ATXN10: variants seen among roughly 807,000 people sequenced by gnomAD.
The protein encoded by ATXN10 is ataxin 10.
In ATXN10, 28 loss-of-function variants were observed where a neutral mutation model predicts 52.9. That is an observed-to-expected ratio of 0.53 (90% CI 0.39 to 0.73). ATXN10 has a LOEUF of 0.73. Ranked by LOEUF, ATXN10 falls within the 30% of genes least tolerant of loss-of-function variation. The probability of loss-of-function intolerance (pLI) is 0.00; values close to 1 mark genes in which losing one functional copy is unlikely to be tolerated. For synonymous variants in ATXN10, 226 were observed against 221.5 expected (o/e 1.02, Z -0.18); for missense variants, 565 against 577.0 (o/e 0.98, Z 0.21).
At chr22:45,720,329 T>C (rs1214173629) in intron 6 of ATXN10, among the ~76,000 whole-genome samples, 1 of 152,072 alleles carries the variant, frequency 6.6e-6, no homozygotes, top group Non-Finnish European at 1.5e-5. Context: ...TTTTTTTTTT[T>C]TGGAAAAGGT....
rs1922457309 is a variant in ATXN10 at position 45,671,973 on chromosome 22, C to CCATCCTACTCCTCCCTCCTCGT, written c.-84_-63dup. 6 of 1,416,824 alleles carry CCATCCTACTCCTCCCTCCTCGT rather than the reference C, an allele frequency of 4.2e-6. No homozygotes were observed. Among genetic ancestry groups the CCATCCTACTCCTCCCTCCTCGT allele is most frequent in the Non-Finnish European group, 4.8e-6 (5 of 1,048,592 alleles). The allele number at this position is 1,416,824 out of a possible 1,614,324, so 87.8% of individuals were successfully genotyped here. On this transcript the variant is annotated 5_prime_UTR_variant, in exon 1 of 12. Transcript: ENST00000252934. ...GGCGAGGCCTCCCCCTTCCTCCTCG[C>CCATCCTACTCCTCCCTCCTCGT]CATCCTACTCCTCCCTCCTCGTCAT...
chr22:45,812,501 T>C (rs1317230509), intron 10 of ATXN10, among the ~76,000 whole-genome samples: 1 of 152,160 alleles, frequency 6.6e-6, no homozygotes, highest in Non-Finnish European at 1.5e-5. Context: ...GGTTCTAAGC[T>C]CAAGAGAAAT....
At chr22:45,707,598 G>A (rs913116337) in intron 5 of ATXN10, among the ~76,000 whole-genome samples, 3 of 150,298 alleles carry the variant, frequency 2.0e-5, no homozygotes, top group Admixed American at 6.7e-5. Context: ...GGAATAAAGG[G>A]CAAAAGGTCA....
Position 45,842,849 on chromosome 22 carries a change from A to G in ATXN10, c.1238-142A>G, listed in dbSNP as rs575563659. ...GTGTTTGCACTTGAGATGCATATTC[A>G]GAGAATGCATCCTCAAGAAAACTTG... On this transcript the variant is annotated intron_variant, in intron 10 of 11. Coordinates refer to ENST00000252934, the MANE Select transcript of ATXN10 (RefSeq NM_013236.4). This position sits in a 1 kb window ranked among gnomAD's most constrained non-coding sequence, Gnocchi z 4.8. 3 of 891,928 alleles carry G rather than the reference A, an allele frequency of 3.4e-6. No individual in the cohort carries two copies. In the East Asian group the frequency reaches 7.6e-5, roughly 23 times the overall value. The allele number at this position is 891,928 out of a possible 1,614,324, so 55.3% of individuals were successfully genotyped here.
rs942249360 is a variant in ATXN10 at position 45,754,377 on chromosome 22, A to G, written c.1173+13839A>G. ...CTTCCCTCATACATTTATTGTGAGG[A>G]TTAAATTACTATTGATGACAGCAGT... On this transcript the variant is annotated intron_variant, in intron 9 of 11. Transcript: ENST00000252934. The surrounding 1 kb of genome is among the most constrained non-coding windows in gnomAD (Gnocchi z 5.4). 4.6e-5 allele frequency among the ~76,000 whole-genome samples: 7 copies of G among 152,184 alleles called. No individual in the cohort carries two copies. The highest frequency in any genetic ancestry group is 1.0e-4 in the Non-Finnish European group (7 of 68,024).
In ATXN10 at chr22:45,681,734, C is replaced by A. The variant is rs1922931481; in HGVS notation, c.117-7978C>A. 6.6e-6 allele frequency among the ~76,000 whole-genome samples: 1 copy of A among 152,148 alleles called. No homozygotes were observed. Among genetic ancestry groups the A allele is most frequent in the African/African-American group, 2.4e-5 (1 of 41,418 alleles). On this transcript the variant is annotated intron_variant, in intron 1 of 11. Transcript: ENST00000252934. The surrounding 1 kb of genome is among the most constrained non-coding windows in gnomAD (Gnocchi z 4.2). ...ACTTGCTGATCACTAACTAACGTGG[C>A]CCTTAATGCTACCTGTCAGTCCCGC...
intron 9 of ATXN10, among the ~76,000 whole-genome samples, chr22:45,767,101 C>T (rs915619394): frequency 1.3e-5 from 2 of 152,146 alleles, no homozygotes; most frequent in African/African-American, 4.8e-5. Context: ...CTTTTTGACT[C>T]AGCAGTCTTG....
rs899494343 is a variant in ATXN10, at chr22:45,701,470, C to T, written c.488+1092C>T. Among the ~76,000 whole-genome samples the T allele has an allele frequency of 1.3e-5, 2 of 152,124 alleles. No individual in the cohort carries two copies. Among genetic ancestry groups the T allele is most frequent in the South Asian group, 4.1e-4 (2 of 4,826 alleles). On this transcript the variant is annotated intron_variant, in intron 4 of 11. Coordinates refer to ENST00000252934, the MANE Select transcript of ATXN10 (RefSeq NM_013236.4). This position sits in a 1 kb window ranked among gnomAD's most constrained non-coding sequence, Gnocchi z 4.2. Reference sequence around the variant, plus strand: ...GGGATAAACTCTAATTCACCTGTAGCTCATGGAATTTCTCAAATTCCTGCA... The same window carrying T: ...GGGATAAACTCTAATTCACCTGTAGTTCATGGAATTTCTCAAATTCCTGCA...
At chr22:45,692,854 C>T (rs1401800603) in intron 2 of ATXN10, 142 bp from the exon 3 acceptor site, 5 of 721,610 alleles carry the variant, frequency 6.9e-6, no homozygotes, top group South Asian at 4.8e-5. Flanking sequence ...TATATTTTTC[C>T]TGTAAAGAGC....
rs553712259 is a variant in ATXN10 at position 45,718,529 on chromosome 22, C to T, written c.728+36C>T. On this transcript the variant is annotated intron_variant, in intron 6 of 11. Transcript: ENST00000252934. The surrounding 1 kb of genome is among the most constrained non-coding windows in gnomAD (Gnocchi z 4.4). ...AACCAGCGTGGTCTGGAGTATTTAGCATTCCATATAGGGTATTCGATGCAC... is the reference window on the plus strand; with the variant it reads ...AACCAGCGTGGTCTGGAGTATTTAGTATTCCATATAGGGTATTCGATGCAC... 14 of 1,545,016 alleles carry T rather than the reference C, an allele frequency of 9.1e-6. No homozygotes were observed. Among genetic ancestry groups the T allele is most frequent in the Non-Finnish European group, 1.3e-5 (14 of 1,117,358 alleles).
At chr22:45,771,823 G>A (rs135986) in intron 9 of ATXN10, among the ~76,000 whole-genome samples, 132,601 of 152,160 alleles carry the variant, frequency 0.87, 58,114 homozygotes, top group African/African-American at 0.96. Context: ...GGCCTCTGCT[G>A]TGTTGTCCAG....
In ATXN10 at chr22:45,691,234, G is replaced by T. The variant is rs1341895330; in HGVS notation, c.308+1331G>T. ...TCTTTTGTCCTTTTCCAGTCACAAG[G>T]TGCTCTAGTGTGATGGGGAAGGAAA... is the stretch of plus-strand genomic sequence containing the variant. On this transcript the variant is annotated intron_variant, in intron 2 of 11. Coordinates refer to ENST00000252934, the MANE Select transcript of ATXN10 (RefSeq NM_013236.4). Among the ~76,000 whole-genome samples the T allele has an allele frequency of 2.0e-5, 3 of 152,168 alleles. No homozygotes were observed. The South Asian group carries it at 6.2e-4, about 32-fold the overall frequency.
intron 9 of ATXN10, among the ~76,000 whole-genome samples, chr22:45,800,279 G>A (rs1010082737): frequency 5.9e-5 from 9 of 152,098 alleles, no homozygotes; most frequent in African/African-American, 2.2e-4. Flanking sequence ...CTTACAACTC[G>A]ATGAGAAGAA....
chr22:45,803,470 T>C (rs907671374), intron 9 of ATXN10, among the ~76,000 whole-genome samples: 1 of 152,174 alleles, frequency 6.6e-6, no homozygotes, highest in African/African-American at 2.4e-5. Flanking sequence ...CTATATGTTC[T>C]TCTAGCCAAA....
intron 6 of ATXN10, among the ~76,000 whole-genome samples, chr22:45,719,334 G>A (rs930592307): frequency 3.9e-5 from 6 of 152,004 alleles, no homozygotes; most frequent in African/African-American, 1.4e-4. Flanking sequence ...CAGTAGTTAA[G>A]CTTTGTGTAC....
rs1008690202 is a variant in ATXN10 at position 45,718,223 on chromosome 22, AT to A, written c.648-182del. On this transcript the variant is annotated intron_variant, in intron 5 of 11. Coordinates refer to ENST00000252934, the MANE Select transcript of ATXN10 (RefSeq NM_013236.4). The surrounding 1 kb of genome is among the most constrained non-coding windows in gnomAD (Gnocchi z 4.4). ...AAAATTGGAGAAAAATATTTTTAGG[AT>A]TTTTTTTCCTTTTAGCTGCTGATAG... Among the ~76,000 whole-genome samples the A allele has an allele frequency of 1.3e-5, 2 of 151,992 alleles. No homozygotes were observed. Among genetic ancestry groups the A allele is most frequent in the African/African-American group, 2.4e-5 (1 of 41,374 alleles).
At chr22:45,796,030 C>T (rs565327802) in intron 9 of ATXN10, among the ~76,000 whole-genome samples, 121 of 152,260 alleles carry the variant, frequency 7.9e-4, no homozygotes, top group Non-Finnish European at 1.4e-3. Flanking sequence ...CCTGCAGGGC[C>T]GGGCAGAACA....
In ATXN10 at chr22:45,826,013, GA is replaced by G. The variant is rs1928803483; in HGVS notation, c.1238-16977del. Among the ~76,000 whole-genome samples the G allele has an allele frequency of 6.6e-6, 1 of 152,156 alleles. No homozygotes were observed. Among genetic ancestry groups the G allele is most frequent in the Admixed American group, 6.5e-5 (1 of 15,276 alleles). On this transcript the variant is annotated intron_variant, in intron 10 of 11. Transcript: ENST00000252934. The surrounding 1 kb of genome is among the most constrained non-coding windows in gnomAD (Gnocchi z 5.0). ...GGAGGTGGAGGTTGCAATGAGCTGAGATTGTGCCACTGTGCTGTAGCCTGGG... is the reference window on the plus strand; with the variant it reads ...GGAGGTGGAGGTTGCAATGAGCTGAGTTGTGCCACTGTGCTGTAGCCTGGG...
intron 6 of ATXN10, among the ~76,000 whole-genome samples, chr22:45,726,235 T>C (rs1172085446): frequency 6.6e-6 from 1 of 152,202 alleles, no homozygotes; most frequent in Non-Finnish European, 1.5e-5. Flanking sequence ...TTCAGTATGA[T>C]TGGTGCCAAT....
Sources: allele counts gnomAD v4.1 joint callset (sites outside exome capture counted in the v4.1 genomes callset), GRCh38; gene constraint gnomAD v4.1.1; non-coding constraint Gnocchi (gnomAD v3.1); transcripts MANE v1.5; gene names NCBI Gene and HGNC (gene_info 2026-07-23, HGNC 2026-07-21).